The following RBMS3 variants were observed in gnomAD, a reference collection of about 807,000 sequenced individuals.
RBMS3 encodes the protein RNA binding motif single stranded interacting protein 3.
A neutral mutation model predicts 66.8 loss-of-function variants in RBMS3; 27 were observed. The observed-to-expected ratio is 0.40, with a 90% confidence interval of 0.30 to 0.56. The LOEUF (loss-of-function observed/expected upper bound fraction) is 0.56. Ranked by LOEUF, RBMS3 falls within the 20% of genes least tolerant of loss-of-function variation. The pLI, the probability that RBMS3 is intolerant of heterozygous loss-of-function variation, is 0.40. For missense variants in RBMS3, 513 were observed against 549.5 expected (o/e 0.93, Z 0.66); for synonymous variants, 188 against 183.0 (o/e 1.03, Z -0.22).
At chr3:29,365,342 A>T (rs1006858445) in intron 1 of RBMS3, among the ~76,000 whole-genome samples, 4 of 152,004 alleles carry the variant, frequency 2.6e-5, no homozygotes, top group Non-Finnish European at 4.4e-5. Context: ...TCTTTAAAAA[A>T]TTTTTTAGAT....
chr3:29,733,990 G>C (rs1041140427), intron 4 of RBMS3, among the ~76,000 whole-genome samples: 2 of 151,730 alleles, frequency 1.3e-5, no homozygotes, highest in Non-Finnish European at 2.9e-5. Flanking sequence ...AGTTTTTATA[G>C]CACCATTTAA....
At position 29,531,310 on chromosome 3, in the gene RBMS3, G is replaced by C. The variant is rs934184158; in HGVS notation, c.307+42811G>C. ...AACAAGATCTCTAGATGATTCTTAT[G>C]TACAATAAAATTTGAGAAGGACCGT... On this transcript the variant is annotated intron_variant, in intron 3 of 14. Coordinates refer to ENST00000383767, the MANE Select transcript of RBMS3 (RefSeq NM_001003793.3). 7.9e-5 allele frequency among the ~76,000 whole-genome samples: 12 copies of C among 152,226 alleles called. 1 individual carries two copies. The highest frequency in any genetic ancestry group is 7.2e-4 in the Admixed American group (11 of 15,284).
intron 3 of RBMS3, among the ~76,000 whole-genome samples, chr3:29,579,743 G>A (rs1054967050): frequency 6.6e-6 from 1 of 152,126 alleles, no homozygotes; most frequent in African/African-American, 2.4e-5. Flanking sequence ...TGTTAGCAAA[G>A]CAAAGCTTTG....
intron 1 of RBMS3, among the ~76,000 whole-genome samples, chr3:29,353,623 A>T (rs1279502878): frequency 6.6e-6 from 1 of 152,044 alleles, no homozygotes; most frequent in Non-Finnish European, 1.5e-5. Flanking sequence ...TGTATAGCAA[A>T]TCAAATAGAG....
chr3:29,650,093 G>C (rs1376134763), intron 4 of RBMS3, among the ~76,000 whole-genome samples: 5 of 152,110 alleles, frequency 3.3e-5, no homozygotes. Context: ...ATTGTGTTTA[G>C]TTTCACATCC....
chr3:29,626,459 T>A (rs2049064265), intron 4 of RBMS3, among the ~76,000 whole-genome samples: 1 of 152,180 alleles, frequency 6.6e-6, no homozygotes, highest in Non-Finnish European at 1.5e-5. Flanking sequence ...GAAGATACAA[T>A]TTAAGGATAA....
chr3:29,417,320 C>A (rs1043854466), intron 1 of RBMS3, among the ~76,000 whole-genome samples: 1 of 151,716 alleles, frequency 6.6e-6, no homozygotes, highest in African/African-American at 2.4e-5. Context: ...CACAACAAGA[C>A]CTGAGTTTGT....
At chr3:29,337,208 T>C (rs905978963) in intron 1 of RBMS3, among the ~76,000 whole-genome samples, 1 of 152,168 alleles carries the variant, frequency 6.6e-6, no homozygotes, top group African/African-American at 2.4e-5. Context: ...GAGTAATTTC[T>C]AGCACCCAAC....
chr3:29,608,231 C>T (rs975514055), intron 4 of RBMS3, among the ~76,000 whole-genome samples: 2 of 151,824 alleles, frequency 1.3e-5, no homozygotes, highest in African/African-American at 4.8e-5. Context: ...TATTCATCAT[C>T]CAGATTGAGG....
intron 2 of RBMS3, among the ~76,000 whole-genome samples, chr3:29,479,987 A>C (rs1424920370): frequency 6.6e-6 from 1 of 152,220 alleles, no homozygotes; most frequent in Non-Finnish European, 1.5e-5. Flanking sequence ...CTGCCCTAAA[A>C]ATACTTTCAG....
chr3:29,434,601 G>A, intron 1 of RBMS3, 142 bp from the exon 2 acceptor site: 1 of 1,174,740 alleles, frequency 8.5e-7, no homozygotes. Flanking sequence ...ATGCAACAGA[G>A]AGTAGTGATA....
intron 3 of RBMS3, among the ~76,000 whole-genome samples, chr3:29,549,397 ATT>A (rs5847580): frequency 0.023 from 3,148 of 135,444 alleles, 46 homozygotes; most frequent in Non-Finnish European, 0.028. Context: ...AATTGGATTG[ATT>A]TTTTTTTTTT....
chr3:29,295,279 ATATATATATATATATACATATATATC>A (rs11276419), intron 1 of RBMS3, among the ~76,000 whole-genome samples: 17,254 of 55,452 alleles, frequency 0.31, 1,257 homozygotes, highest in Non-Finnish European at 0.34. Flanking sequence ...AAAATTATAT[ATATATATATATATATACATATATATC>A]TATATATATA....
intron 12 of RBMS3, among the ~76,000 whole-genome samples, chr3:29,960,943 GC>G (rs1696391715): frequency 6.6e-6 from 1 of 152,124 alleles, no homozygotes; most frequent in Non-Finnish European, 1.5e-5. Flanking sequence ...CCTCTGACAT[GC>G]CCTGGAGACA....
At chr3:29,322,781 G>T (rs1244756280) in intron 1 of RBMS3, among the ~76,000 whole-genome samples, 2 of 152,020 alleles carry the variant, frequency 1.3e-5, no homozygotes, top group Non-Finnish European at 2.9e-5. Flanking sequence ...ACAAGGAGAG[G>T]GTTTATAAAT....
intron 4 of RBMS3, among the ~76,000 whole-genome samples, chr3:29,609,300 G>C (rs765051464): frequency 2.6e-5 from 4 of 151,986 alleles, no homozygotes; most frequent in Non-Finnish European, 5.9e-5. Flanking sequence ...GACAACTGCA[G>C]TATTGGACTG....
chr3:29,811,503 C>A (rs1218243823), intron 6 of RBMS3, among the ~76,000 whole-genome samples: 1 of 152,142 alleles, frequency 6.6e-6, no homozygotes, highest in Non-Finnish European at 1.5e-5. Context: ...TTCATTAGTG[C>A]AAAGCCACAA....
At chr3:29,903,223 C>T (rs549033121) in intron 10 of RBMS3, 4 of 151,984 alleles carry the variant, frequency 2.6e-5, no homozygotes, top group Admixed American at 6.6e-5. Context: ...TGTTACTGGA[C>T]CCTGGGAACT....
At chr3:29,283,340 T>A (rs984801747) in intron 1 of RBMS3, among the ~76,000 whole-genome samples, 2 of 152,200 alleles carry the variant, frequency 1.3e-5, no homozygotes, top group African/African-American at 2.4e-5. Flanking sequence ...TAGATTGAAA[T>A]GAATAACATA....
Sources: gnomAD v4.1 joint callset for allele counts (sites outside exome capture counted in the v4.1 genomes callset) on GRCh38, gnomAD v4.1.1 for gene constraint, MANE v1.5 for transcripts, NCBI Gene and HGNC (gene_info 2026-07-23, HGNC 2026-07-21) for gene names.